Variants in RNF180 observed in about 807,000 individuals in gnomAD.
RNF180 encodes the protein ring finger protein 180, also known as E3 ubiquitin-protein ligase RNF180.
Under a neutral mutation model 59.2 loss-of-function variants are expected in RNF180, and 38 were observed. That is an observed-to-expected ratio of 0.64 (90% CI 0.50 to 0.84). RNF180 has a LOEUF of 0.84. RNF180 is among the 40% of genes least tolerant of loss of function. The probability of loss-of-function intolerance (pLI) is 0.00; values close to 1 mark genes in which losing one functional copy is unlikely to be tolerated. For synonymous variants in RNF180, 262 were observed against 240.3 expected (o/e 1.09, Z -0.84); for missense variants, 705 against 700.9 (o/e 1.01, Z -0.07).
At chr5:64,348,799 A>C (rs1395244532) in intron 7 of RNF180, among the ~76,000 whole-genome samples, 3 of 152,112 alleles carry the variant, frequency 2.0e-5, no homozygotes, top group Non-Finnish European at 4.4e-5. Flanking sequence ...AGTTCTCTAA[A>C]TGACTATTTA....
intron 2 of RNF180, among the ~76,000 whole-genome samples, chr5:64,202,343 C>T (rs936771961): frequency 2.6e-5 from 4 of 152,046 alleles, no homozygotes; most frequent in Non-Finnish European, 5.9e-5. Context: ...CCTTTTTTCT[C>T]CTGAGCTATG....
chr5:64,254,565 A>G (rs963979669), intron 5 of RNF180, among the ~76,000 whole-genome samples: 17 of 152,162 alleles, frequency 1.1e-4, no homozygotes, highest in African/African-American at 1.9e-4. Flanking sequence ...TGGACATCAA[A>G]TAAATTGAGT....
At chr5:64,238,695 A>C (rs1032888972) in intron 5 of RNF180, among the ~76,000 whole-genome samples, 2 of 152,128 alleles carry the variant, frequency 1.3e-5, no homozygotes, top group African/African-American at 4.8e-5. Context: ...ATTTTTTACT[A>C]CTGAGTTGTA....
rs909525615 is a variant in RNF180 at position 64,213,826 on chromosome 5, A to G, written c.500A>G (p.Asn167Ser). ...GAAAACAGAAATCACAGGCTTTTAAACATGGCCCGAAATAATAATGACCCT... is the reference window on the plus strand; with the variant it reads ...GAAAACAGAAATCACAGGCTTTTAAGCATGGCCCGAAATAATAATGACCCT... ...GSENRNHRLLNMARNNNDPGR... is the reference protein window; with the variant it reads ...GSENRNHRLLSMARNNNDPGR... The change falls in exon 4 of 8, where the codon AAC becomes AGC. Residue 167 changes from asparagine (N) to serine (S), a missense_variant. Asn to Ser is a conservative substitution (Grantham distance 46). Transcript: ENST00000389100. 1 of 1,614,030 alleles carries G rather than the reference A, an allele frequency of 6.2e-7. No homozygotes were observed. Among genetic ancestry groups the G allele is most frequent in the African/African-American group, 1.3e-5 (1 of 74,934 alleles).
chr5:64,324,622 G>T (rs866749140), intron 5 of RNF180, among the ~76,000 whole-genome samples: 2 of 152,174 alleles, frequency 1.3e-5, no homozygotes, highest in South Asian at 2.1e-4. Context: ...CCATAGCAAG[G>T]CTAATCCCAT....
At chr5:64,335,138 G>T (rs1362101287) in intron 7 of RNF180, among the ~76,000 whole-genome samples, 1 of 152,064 alleles carries the variant, frequency 6.6e-6, no homozygotes, top group African/African-American at 2.4e-5. Flanking sequence ...CTTTATATGT[G>T]TATTGATCAT....
At chr5:64,261,435 C>T (rs1744333823) in intron 5 of RNF180, among the ~76,000 whole-genome samples, 1 of 152,068 alleles carries the variant, frequency 6.6e-6, no homozygotes, top group Admixed American at 6.6e-5. Context: ...CGAAATTGGA[C>T]TGGGTTAAAG....
chr5:64,258,766 C>T (rs1744142997), intron 5 of RNF180, among the ~76,000 whole-genome samples: 1 of 152,082 alleles, frequency 6.6e-6, no homozygotes, highest in Non-Finnish European at 1.5e-5. Flanking sequence ...TAGATAATAA[C>T]TGATTAGTCA....
intron 5 of RNF180, among the ~76,000 whole-genome samples, chr5:64,302,275 A>C (rs1743199576): frequency 6.6e-6 from 1 of 151,648 alleles, no homozygotes; most frequent in South Asian, 2.1e-4. Context: ...AGCAATTTTG[A>C]AATCCCACTG....
intron 5 of RNF180, among the ~76,000 whole-genome samples, chr5:64,300,419 T>G (rs1743099364): frequency 6.6e-6 from 1 of 151,856 alleles, no homozygotes. Context: ...GAGGATCATC[T>G]GGATTTATGA....
chr5:64,320,143 C>G (rs1744271833), intron 5 of RNF180, among the ~76,000 whole-genome samples: 1 of 152,182 alleles, frequency 6.6e-6, no homozygotes, highest in Non-Finnish European at 1.5e-5. Context: ...TTTTGATAGG[C>G]AGTAAAGGTT....
In RNF180 at chr5:64,372,225, G is replaced by A. The variant is rs549791800; in HGVS notation, c.*2411G>A. 1 of 151,662 alleles carries A rather than the reference G, an allele frequency of 6.6e-6. No homozygotes were observed. 9.4% of individuals were successfully genotyped at this position (151,662 alleles called of 1,614,324 possible). A position where few individuals can be genotyped will look rare whatever the true frequency, so the allele number is the denominator to read the frequency against. On this transcript the variant is annotated 3_prime_UTR_variant, in exon 8 of 8. Coordinates refer to ENST00000389100, the MANE Select transcript of RNF180 (RefSeq NM_001113561.2). ...CCTAATTGAGGTATATTTCTGAATA[G>A]TTTCAGCAGGTTATTTTTTAATTTT...
intron 5 of RNF180, among the ~76,000 whole-genome samples, chr5:64,264,772 T>C (rs1744562128): frequency 6.6e-6 from 1 of 152,212 alleles, no homozygotes; most frequent in South Asian, 2.1e-4. Context: ...GGTCAAATGG[T>C]ATTTTTGGTT....
At chr5:64,229,400 T>G (rs1203246196) in intron 5 of RNF180, among the ~76,000 whole-genome samples, 8 of 152,162 alleles carry the variant, frequency 5.3e-5, no homozygotes, top group Admixed American at 2.0e-4. Flanking sequence ...AGCAAAACAA[T>G]CAATGTTTTC....
chr5:64,361,542 C>CT (rs891071051), intron 7 of RNF180, among the ~76,000 whole-genome samples: 2 of 151,184 alleles, frequency 1.3e-5, no homozygotes, highest in African/African-American at 2.4e-5. Context: ...TGCAGTGTGC[C>CT]TTTTTTTCAC....
At chr5:64,348,953 G>A (rs1389182757) in intron 7 of RNF180, among the ~76,000 whole-genome samples, 2 of 152,132 alleles carry the variant, frequency 1.3e-5, no homozygotes, top group Admixed American at 6.6e-5. Flanking sequence ...AACAAGCGAG[G>A]TTCATCCAAT....
At chr5:64,249,085 C>A (rs960149596) in intron 5 of RNF180, among the ~76,000 whole-genome samples, 3 of 152,118 alleles carry the variant, frequency 2.0e-5, no homozygotes, top group Non-Finnish European at 4.4e-5. Flanking sequence ...AGGGTAACAT[C>A]ACACACCGGG....
intron 6 of RNF180, among the ~76,000 whole-genome samples, chr5:64,325,950 AAC>A (rs1744615365): frequency 6.6e-6 from 1 of 152,208 alleles, no homozygotes; most frequent in Non-Finnish European, 1.5e-5. Flanking sequence ...GATGTAATAT[AAC>A]ACAATATTTA....
intron 5 of RNF180, among the ~76,000 whole-genome samples, chr5:64,302,309 C>T (rs1488981224): frequency 6.6e-6 from 1 of 151,614 alleles, no homozygotes; most frequent in Non-Finnish European, 1.5e-5. Flanking sequence ...AGGAATCCTA[C>T]ATTGTGGTAG....
Sources: gnomAD v4.1 joint callset for allele counts (sites outside exome capture counted in the v4.1 genomes callset) on GRCh38, gnomAD v4.1.1 for gene constraint, MANE v1.5 for transcripts, NCBI Gene and HGNC (gene_info 2026-07-23, HGNC 2026-07-21) for gene names.